EYA4: variants seen among roughly 807,000 people sequenced by gnomAD.
The protein encoded by EYA4 is EYA transcriptional coactivator and phosphatase 4, also known as protein phosphatase EYA4.
In EYA4, 31 loss-of-function variants were observed where a neutral mutation model predicts 87.9. The ratio of observed to expected loss-of-function variants is 0.35; its 90% CI spans 0.27 to 0.48. The LOEUF is 0.48. Ranked by LOEUF, EYA4 falls within the 20% of genes least tolerant of loss-of-function variation. The probability of loss-of-function intolerance (pLI) is 0.99; values close to 1 mark genes in which losing one functional copy is unlikely to be tolerated. For synonymous variants in EYA4, 263 were observed against 270.6 expected (o/e 0.97, Z 0.28); for missense variants, 678 against 761.4 (o/e 0.89, Z 1.29).
chr6:133,456,516 T>C, intron 5 of EYA4, 40 bp from the exon 6 acceptor site: 1 of 1,353,114 alleles, frequency 7.4e-7, no homozygotes, highest in Non-Finnish European at 1.1e-6. Context: ...TTGACATAAA[T>C]TTAGAAGTAA....
intron 3 of EYA4, among the ~76,000 whole-genome samples, chr6:133,419,114 G>T (rs1350566286): frequency 6.6e-6 from 1 of 151,920 alleles, no homozygotes; most frequent in Non-Finnish European, 1.5e-5. Flanking sequence ...CTTTTGTTTC[G>T]ATAGGTATAG....
chr6:133,322,782 G>A (rs1168452885), intron 2 of EYA4, among the ~76,000 whole-genome samples: 1 of 152,084 alleles, frequency 6.6e-6, no homozygotes, highest in Admixed American at 6.6e-5. Flanking sequence ...TAGTGTTTAT[G>A]TCTTGCAAAT....
At chr6:133,262,949 G>C (rs940644713) in intron 1 of EYA4, among the ~76,000 whole-genome samples, 1 of 152,116 alleles carries the variant, frequency 6.6e-6, no homozygotes, top group African/African-American at 2.4e-5. Flanking sequence ...AGAGTCATGT[G>C]CATAGTCCAA....
intron 3 of EYA4, among the ~76,000 whole-genome samples, chr6:133,419,366 G>A (rs1420867695): frequency 1.3e-5 from 2 of 152,130 alleles, no homozygotes; most frequent in Admixed American, 1.3e-4. Flanking sequence ...TCCTTCACAA[G>A]ATGTCAATGG....
chr6:133,518,621 A>G (rs1156878397), intron 17 of EYA4, among the ~76,000 whole-genome samples: 1 of 152,200 alleles, frequency 6.6e-6, no homozygotes, highest in East Asian at 1.9e-4. Context: ...ATGTAAGAAT[A>G]TATTTTGGTA....
At chr6:133,518,886 C>T (rs1799848010) in intron 17 of EYA4, among the ~76,000 whole-genome samples, 1 of 151,872 alleles carries the variant, frequency 6.6e-6, no homozygotes, top group Non-Finnish European at 1.5e-5. Context: ...CAACCTGCTC[C>T]TGAATGACTA....
rs1443441009 is a variant in EYA4, at chr6:133,475,811, T to C, written c.971-5652T>C. On this transcript the variant is annotated intron_variant, in intron 11 of 19. Coordinates refer to ENST00000355286, the MANE Select transcript of EYA4 (RefSeq NM_004100.5). ...CTGGTTGAGCTCAAGTTCCTGGTTT[T>C]ACCCTTTATCAGAAGAAAGGATAGC... Among the ~76,000 whole-genome samples, 4 of 152,252 alleles carry C rather than the reference T, an allele frequency of 2.6e-5. 1 individual carries two copies. The Middle Eastern group carries it at 0.01, about 388-fold the overall frequency.
At chr6:133,459,183 A>G (rs903197298) in intron 6 of EYA4, among the ~76,000 whole-genome samples, 2 of 152,172 alleles carry the variant, frequency 1.3e-5, no homozygotes, top group Middle Eastern at 3.2e-3. Flanking sequence ...CTACGTGAAC[A>G]TCGTAGTTTT....
At position 133,530,679 on chromosome 6, in the gene EYA4, C is replaced by T. The variant is rs142545479; in HGVS notation, c.*1874C>T. The T allele has an allele frequency of 2.0e-6, 2 of 985,516 alleles. No individual in the cohort carries two copies. Among genetic ancestry groups the T allele is most frequent in the Non-Finnish European group, 2.4e-6 (2 of 829,642 alleles). The allele number at this position is 985,516 out of a possible 1,614,324, so 61.0% of individuals were successfully genotyped here. ...GTATTTCTTTACTGAATGCTAAGGC[C>T]ATGTTTATATTGGGTAGAAAGATAT... is the stretch of plus-strand genomic sequence containing the variant. On this transcript the variant is annotated 3_prime_UTR_variant, in exon 20 of 20. Transcript: ENST00000355286.
chr6:133,411,837 A>C (rs1789268274), intron 3 of EYA4, among the ~76,000 whole-genome samples: 1 of 152,196 alleles, frequency 6.6e-6, no homozygotes, highest in Non-Finnish European at 1.5e-5. Context: ...ATTTTCTTAG[A>C]GTGAACTTCT....
At chr6:133,281,433 G>A (rs1030922996) in intron 2 of EYA4, among the ~76,000 whole-genome samples, 1 of 152,142 alleles carries the variant, frequency 6.6e-6, no homozygotes, top group African/African-American at 2.4e-5. Flanking sequence ...TTTCTCATAT[G>A]TAAGCGAGAA....
chr6:133,390,583 G>A (rs7760570), intron 3 of EYA4, among the ~76,000 whole-genome samples: 27,974 of 152,008 alleles, frequency 0.18, 3,076 homozygotes, highest in East Asian at 0.31. Flanking sequence ...TCTACCTATC[G>A]TTCCAAACTG....
At chr6:133,499,178 C>T (rs1797893583) in intron 13 of EYA4, among the ~76,000 whole-genome samples, 1 of 152,142 alleles carries the variant, frequency 6.6e-6, no homozygotes, top group African/African-American at 2.4e-5. Flanking sequence ...GGGATTAGAA[C>T]ATTAACTTAC....
chr6:133,469,248 G>A (rs969090004), intron 11 of EYA4, among the ~76,000 whole-genome samples: 1 of 151,904 alleles, frequency 6.6e-6, no homozygotes, highest in Admixed American at 6.6e-5. Context: ...TTGCATTTGC[G>A]ACACGTAATT....
chr6:133,429,382 G>T (rs1206032005), intron 3 of EYA4, among the ~76,000 whole-genome samples: 1 of 152,176 alleles, frequency 6.6e-6, no homozygotes, highest in Non-Finnish European at 1.5e-5. Context: ...AGGGAGAAAG[G>T]TTGAGGAGAA....
intron 11 of EYA4, among the ~76,000 whole-genome samples, chr6:133,477,007 CAT>C (rs1795801558): frequency 6.7e-6 from 1 of 148,702 alleles, no homozygotes; most frequent in South Asian, 2.1e-4. Context: ...CAGTTTTATA[CAT>C]GTTTGGTAGT....
intron 1 of EYA4, among the ~76,000 whole-genome samples, chr6:133,259,857 A>G (rs1451984715): frequency 6.6e-6 from 1 of 152,190 alleles, no homozygotes; most frequent in Non-Finnish European, 1.5e-5. Context: ...TTGTTTGGAA[A>G]GATATAATTG....
At chr6:133,242,731 G>A (rs1020585666) in intron 1 of EYA4, among the ~76,000 whole-genome samples, 2 of 152,184 alleles carry the variant, frequency 1.3e-5, no homozygotes, top group African/African-American at 4.8e-5. Flanking sequence ...TTTGCGGACC[G>A]AGTCCGGTGG....
At chr6:133,303,819 A>T (rs991956400) in intron 2 of EYA4, among the ~76,000 whole-genome samples, 2 of 152,190 alleles carry the variant, frequency 1.3e-5, no homozygotes, top group African/African-American at 4.8e-5. Context: ...CTGAAGTGGT[A>T]TCTCATGTGC....
Sources: allele counts gnomAD v4.1 joint callset (sites outside exome capture counted in the v4.1 genomes callset), GRCh38; gene constraint gnomAD v4.1.1; transcripts MANE v1.5; gene names NCBI Gene and HGNC (gene_info 2026-07-23, HGNC 2026-07-21).